Variants in RASSF6 observed in about 807,000 individuals in gnomAD.
The protein encoded by RASSF6 is ras association domain-containing protein 6.
A neutral mutation model predicts 44.0 loss-of-function variants in RASSF6; 52 were observed. The ratio of observed to expected loss-of-function variants is 1.18; its 90% CI spans 0.95 to 1.49. RASSF6 has a LOEUF of 1.49. Among genes scored for constraint, RASSF6 ranks in the 40% most tolerant of loss-of-function variants. The pLI is 0.00. For missense variants in RASSF6, 464 were observed against 393.3 expected, an observed-to-expected ratio of 1.18 and a Z score of -1.52; for synonymous variants, 162 against 124.6, an observed-to-expected ratio of 1.30 and a Z score of -2.00.
At chr4:73,584,880 AGTAG>A (rs1723953808) in intron 6 of RASSF6, among the ~76,000 whole-genome samples, 1 of 152,258 alleles carries the variant, frequency 6.6e-6, no homozygotes, top group African/African-American at 2.4e-5. Context: ...ACTACTTAAG[AGTAG>A]CATAATCTAA....
rs2149376529 is a variant in RASSF6, at chr4:73,589,841, G to A, written c.288-1907C>T. On this transcript the variant is annotated intron_variant, in intron 4 of 10. Transcript: ENST00000307439. Reference sequence around the variant, plus strand: ...TTAAATGATGGGGAGGTTTTCTAAGGAGTTTAAAAATAAAAAGGAGGTAGA... The same window carrying A: ...TTAAATGATGGGGAGGTTTTCTAAGAAGTTTAAAAATAAAAAGGAGGTAGA... 1.3e-5 allele frequency among the ~76,000 whole-genome samples: 2 copies of A among 152,166 alleles called. 1 individual carries two copies. The highest frequency in any genetic ancestry group is 4.2e-4 in the South Asian group (2 of 4,818).
intron 2 of RASSF6, among the ~76,000 whole-genome samples, chr4:73,609,220 T>C (rs1387567401): frequency 6.6e-6 from 1 of 152,170 alleles, no homozygotes; most frequent in Non-Finnish European, 1.5e-5. Context: ...AAATACATGG[T>C]TAGCATTTAT....
intron 5 of RASSF6, among the ~76,000 whole-genome samples, chr4:73,587,460 C>T (rs1467814563): frequency 6.6e-6 from 1 of 152,044 alleles, no homozygotes; most frequent in Non-Finnish European, 1.5e-5. Flanking sequence ...AGAATTAGGT[C>T]TGATGGGCTT....
chr4:73,612,164 C>T (rs1418969408), intron 1 of RASSF6, among the ~76,000 whole-genome samples: 1 of 152,090 alleles, frequency 6.6e-6, no homozygotes, highest in Non-Finnish European at 1.5e-5. Context: ...ACTGGCTGAA[C>T]CTTGCCCCAA....
Position 73,581,887 on chromosome 4 carries a change from A to C in RASSF6, c.670-19T>G, listed in dbSNP as rs777775994. 12 of 1,590,496 alleles carry C rather than the reference A, an allele frequency of 7.5e-6. No homozygotes were observed. In the South Asian group the frequency reaches 1.2e-4, roughly 16 times the overall value. ...TTTCAATCTGTCAAGGGAAAAAATG[A>C]ACAAATATAAATTCTTTGTTGTTAT... On this transcript the variant is annotated intron_variant, in intron 7 of 10. Transcript: ENST00000307439.
At chr4:73,607,048 A>G (rs2149393153) in intron 2 of RASSF6, among the ~76,000 whole-genome samples, 1 of 152,242 alleles carries the variant, frequency 6.6e-6, no homozygotes, top group African/African-American at 2.4e-5. Flanking sequence ...TAATGCTGCC[A>G]TGACTTTCAC....
intron 2 of RASSF6, chr4:73,604,302 A>C (rs1259809598): frequency 6.6e-6 from 1 of 152,148 alleles, no homozygotes; most frequent in Non-Finnish European, 1.5e-5. Flanking sequence ...GTGAAACCCC[A>C]TCTCTACTAA....
chr4:73,617,814 T>A (rs1351324925), intron 1 of RASSF6, among the ~76,000 whole-genome samples: 3 of 152,242 alleles, frequency 2.0e-5, no homozygotes, highest in African/African-American at 7.2e-5. Context: ...CTAACTGTAA[T>A]GTGAAAGGAA....
chr4:73,613,598 C>T (rs1436340516), intron 1 of RASSF6, among the ~76,000 whole-genome samples: 1 of 152,116 alleles, frequency 6.6e-6, no homozygotes, highest in Non-Finnish European at 1.5e-5. Flanking sequence ...TAATTTAGCC[C>T]TACCTCCACC....
rs1726616340 is a variant in RASSF6 at position 73,620,274 on chromosome 4, TC to T, written c.-35+13del. The T allele has an allele frequency of 2.9e-6, 4 of 1,396,608 alleles. No individual in the cohort carries two copies. Among genetic ancestry groups the T allele is most frequent in the Non-Finnish European group, 3.7e-6 (4 of 1,078,110 alleles). 86.5% of individuals were successfully genotyped at this position (1,396,608 alleles called of 1,614,324 possible). ...GTGGATTAGAAAGTTTTTTTCCCCA[TC>T]CCCATTTTTTACCTGTTATTCACAC... On this transcript the variant is annotated intron_variant, in intron 1 of 10. Transcript: ENST00000307439.
intron 3 of RASSF6, among the ~76,000 whole-genome samples, chr4:73,594,978 T>C (rs1394988975): frequency 2.0e-5 from 3 of 152,180 alleles, no homozygotes; most frequent in Non-Finnish European, 4.4e-5. Flanking sequence ...ATTTGTTTAA[T>C]TAATTGATTA....
intron 2 of RASSF6, among the ~76,000 whole-genome samples, chr4:73,608,622 G>A (rs1057065173): frequency 6.6e-5 from 10 of 152,158 alleles, no homozygotes; most frequent in Admixed American, 4.6e-4. Flanking sequence ...CTAAATATGC[G>A]ATTAAAATCC....
intron 2 of RASSF6, among the ~76,000 whole-genome samples, chr4:73,600,033 A>T (rs1020408512): frequency 6.6e-6 from 1 of 152,254 alleles, no homozygotes; most frequent in Non-Finnish European, 1.5e-5. Context: ...CAGCTCATTC[A>T]TCTTCTTTAA....
At chr4:73,576,568 T>A (rs1723241507) in intron 9 of RASSF6, 45 bp downstream of exon 9, 1 of 1,565,218 alleles carries the variant, frequency 6.4e-7, no homozygotes, top group Non-Finnish European at 8.8e-7. Flanking sequence ...AGGTGCTGAG[T>A]CAGGAGGGAA....
At chr4:73,589,772 T>C (rs1724385984) in intron 4 of RASSF6, among the ~76,000 whole-genome samples, 1 of 152,166 alleles carries the variant, frequency 6.6e-6, no homozygotes, top group Non-Finnish European at 1.5e-5. Flanking sequence ...ACATGGGACT[T>C]CTGTTGCTCT....
intron 1 of RASSF6, among the ~76,000 whole-genome samples, chr4:73,613,787 C>T (rs1353333196): frequency 6.6e-6 from 1 of 152,200 alleles, no homozygotes; most frequent in Non-Finnish European, 1.5e-5. Context: ...CCTGCTATCT[C>T]ACAGGCCTCA....
chr4:73,616,606 A>T (rs1317810367), intron 1 of RASSF6, among the ~76,000 whole-genome samples: 3 of 152,062 alleles, frequency 2.0e-5, no homozygotes, highest in Non-Finnish European at 2.9e-5. Context: ...TTCTTTTTTT[A>T]TTTTGTATGT....
In RASSF6 at chr4:73,593,426, A is replaced by G. The variant is rs937573247; in HGVS notation, c.287+25T>C. 6.9e-6 allele frequency: 11 copies of G among 1,586,724 alleles called. No homozygotes were observed. In the African/African-American group the frequency reaches 1.5e-4, roughly 22 times the overall value. ...AGATATGAAGATCATCTTCTGAGGA[A>G]TTAAAAACATGAAAGATAGCTTACC... On this transcript the variant is annotated intron_variant, in intron 4 of 10. Transcript: ENST00000307439.
At chr4:73,600,583 C>A (rs1325514688) in intron 2 of RASSF6, among the ~76,000 whole-genome samples, 2 of 152,108 alleles carry the variant, frequency 1.3e-5, no homozygotes, top group African/African-American at 4.8e-5. Context: ...TCAATAAATA[C>A]TGAATATTGA....
Sources: gnomAD v4.1 joint callset for allele counts (sites outside exome capture counted in the v4.1 genomes callset) on GRCh38, gnomAD v4.1.1 for gene constraint, MANE v1.5 for transcripts, NCBI Gene and HGNC (gene_info 2026-07-23, HGNC 2026-07-21) for gene names.